The following KCNN2 variants were observed in gnomAD, a reference collection of about 807,000 sequenced individuals.
KCNN2 encodes small conductance calcium-activated potassium channel protein 2.
KCNN2 carries 24 observed loss-of-function variants against 55.5 expected under a neutral mutation model. The observed-to-expected ratio is 0.43, with a 90% confidence interval of 0.31 to 0.61. The LOEUF is 0.61. KCNN2 is among the 20% of genes least tolerant of loss of function. The pLI is 0.08. For synonymous variants in KCNN2, 431 were observed against 336.1 expected (o/e 1.28, Z -3.09); for missense variants, 754 against 853.6 (o/e 0.88, Z 1.45).
intron 3 of KCNN2, among the ~76,000 whole-genome samples, chr5:114,428,675 A>G (rs1759698828): frequency 6.6e-6 from 1 of 152,108 alleles, no homozygotes; most frequent in African/African-American, 2.4e-5. Context: ...TACAGTGAAT[A>G]TATCCACTGC....
At chr5:114,070,042 C>T (rs1267550605) in intron 1 of KCNN2, among the ~76,000 whole-genome samples, 1 of 152,152 alleles carries the variant, frequency 6.6e-6, no homozygotes, top group Non-Finnish European at 1.5e-5. Flanking sequence ...CATCCAGATA[C>T]CTTTTATTTT....
chr5:114,349,975 C>T (rs144587529), intron 2 of KCNN2, among the ~76,000 whole-genome samples: 335 of 151,976 alleles, frequency 2.2e-3, no homozygotes, highest in East Asian at 0.011. Context: ...ATTGTGGTTT[C>T]GATTTGCATT....
At chr5:114,218,507 T>C (rs75351949) in intron 1 of KCNN2, among the ~76,000 whole-genome samples, 2,471 of 152,308 alleles carry the variant, frequency 0.016, 32 homozygotes, top group Non-Finnish European at 0.023. Flanking sequence ...ACATACTGTA[T>C]GATTCTAGCT....
At chr5:114,295,234 A>T (rs1187864840) in intron 2 of KCNN2, among the ~76,000 whole-genome samples, 1 of 152,214 alleles carries the variant, frequency 6.6e-6, no homozygotes, top group African/African-American at 2.4e-5. Flanking sequence ...CAAAGCTGTC[A>T]GACAGGGACA....
At chr5:114,312,452 T>C (rs1374224761) in intron 2 of KCNN2, among the ~76,000 whole-genome samples, 58 of 76,064 alleles carry the variant, frequency 7.6e-4, no homozygotes, top group African/African-American at 2.9e-3. Context: ...TATATATATA[T>C]ATATATATAT....
At chr5:114,154,680 G>A (rs2112521997) in intron 1 of KCNN2, among the ~76,000 whole-genome samples, 1 of 152,226 alleles carries the variant, frequency 6.6e-6, no homozygotes, top group African/African-American at 2.4e-5. Context: ...TGTTAAACAA[G>A]ATGTTTCTGA....
In KCNN2 at chr5:114,434,258, T is replaced by C. The variant is rs981304315; in HGVS notation, c.1638-28791T>C. On this transcript the variant is annotated intron_variant, in intron 3 of 7. Transcript: ENST00000673685. ...TTTTTTTCCTTCGCTATAAACAGTCTACTACTCATAAGCCCATCAAGACAT... is the reference window on the plus strand; with the variant it reads ...TTTTTTTCCTTCGCTATAAACAGTCCACTACTCATAAGCCCATCAAGACAT... 3.3e-5 allele frequency among the ~76,000 whole-genome samples: 5 copies of C among 152,128 alleles called. 1 individual carries two copies. The East Asian group carries it at 9.6e-4, about 29-fold the overall frequency.
intron 2 of KCNN2, among the ~76,000 whole-genome samples, chr5:114,238,984 C>T (rs928014446): frequency 1.3e-5 from 2 of 152,132 alleles, no homozygotes; most frequent in East Asian, 1.9e-4. Flanking sequence ...GGTGGTACAG[C>T]ATGCTCAATG....
chr5:114,310,864 C>T (rs977252053), intron 2 of KCNN2, among the ~76,000 whole-genome samples: 1 of 152,094 alleles, frequency 6.6e-6, no homozygotes, highest in Non-Finnish European at 1.5e-5. Context: ...AAAAGCAAAA[C>T]TCATTTCCCT....
At chr5:114,377,585 G>T (rs1757983129) in intron 2 of KCNN2, among the ~76,000 whole-genome samples, 1 of 152,148 alleles carries the variant, frequency 6.6e-6, no homozygotes. Flanking sequence ...ACCCCAAGAG[G>T]ACAGTGTAAG....
Position 114,404,427 on chromosome 5 carries a change from T to A in KCNN2, c.1219-11T>A. On this transcript the variant is annotated splice_polypyrimidine_tract_variant and intron_variant, in intron 2 of 7. Transcript: ENST00000673685. Reference sequence around the variant, plus strand: ...CCATACTGAAGCTGATTTTCTACTTTATTTTTTCAGTTGTTCATGGTGGAC... The same window carrying A: ...CCATACTGAAGCTGATTTTCTACTTAATTTTTTCAGTTGTTCATGGTGGAC... 6.2e-7 allele frequency: 1 copy of A among 1,605,198 alleles called. No individual in the cohort carries two copies. The highest frequency in any genetic ancestry group is 8.5e-7 in the Non-Finnish European group (1 of 1,174,532).
At chr5:114,478,060 C>G (rs1391361119) in intron 5 of KCNN2, among the ~76,000 whole-genome samples, 1 of 152,094 alleles carries the variant, frequency 6.6e-6, no homozygotes, top group Non-Finnish European at 1.5e-5. Context: ...AACATTCACC[C>G]AGGCCTCATA....
At chr5:114,214,973 G>T (rs560318630) in intron 1 of KCNN2, among the ~76,000 whole-genome samples, 7 of 152,060 alleles carry the variant, frequency 4.6e-5, no homozygotes, top group Admixed American at 3.9e-4. Flanking sequence ...AATATAGTCT[G>T]GTATTATTTA....
At chr5:114,141,363 A>C (rs1462855837) in intron 1 of KCNN2, among the ~76,000 whole-genome samples, 1 of 151,858 alleles carries the variant, frequency 6.6e-6, no homozygotes, top group African/African-American at 2.4e-5. Flanking sequence ...CCCACCTATG[A>C]GTGAGAACAC....
At chr5:114,133,452 G>A (rs1752110149) in intron 1 of KCNN2, among the ~76,000 whole-genome samples, 1 of 151,442 alleles carries the variant, frequency 6.6e-6, no homozygotes, top group South Asian at 2.1e-4. Flanking sequence ...TAATTACTTT[G>A]TTTGGGGAAC....
intron 2 of KCNN2, among the ~76,000 whole-genome samples, chr5:114,383,575 TCTC>T (rs1441632563): frequency 6.6e-6 from 1 of 151,506 alleles, no homozygotes; most frequent in Non-Finnish European, 1.5e-5. Flanking sequence ...TTTAAGCAAT[TCTC>T]CTGCCTCCGC....
chr5:114,075,497 G>T (rs1750666942), intron 1 of KCNN2, among the ~76,000 whole-genome samples: 2 of 152,040 alleles, frequency 1.3e-5, no homozygotes, highest in African/African-American at 2.4e-5. Flanking sequence ...TAAAATGCAG[G>T]ACTAAATTCA....
rs374787370 is a variant in KCNN2, at chr5:114,392,504, T to G, written c.1219-11934T>G. ...CATGAGACTTCAAGACAGAGGAAGG[T>G]TCCAGGATGGATGGTGAGGGAATGA... On this transcript the variant is annotated intron_variant, in intron 2 of 7. Transcript: ENST00000673685. Among the ~76,000 whole-genome samples the G allele has an allele frequency of 3.9e-5, 6 of 152,320 alleles. No homozygotes were observed. In the South Asian group the frequency reaches 1.2e-3, roughly 32 times the overall value.
At chr5:114,300,383 G>C (rs1230123461) in intron 2 of KCNN2, among the ~76,000 whole-genome samples, 1 of 152,120 alleles carries the variant, frequency 6.6e-6, no homozygotes, top group African/African-American at 2.4e-5. Context: ...TTTAATTACA[G>C]AACGGCTTTA....
Sources: allele counts gnomAD v4.1 joint callset (sites outside exome capture counted in the v4.1 genomes callset), GRCh38; gene constraint gnomAD v4.1.1; transcripts MANE v1.5; gene names NCBI Gene and HGNC (gene_info 2026-07-23, HGNC 2026-07-21).